Variants in BBS9 observed in about 807,000 individuals in gnomAD.
BBS9 encodes Bardet-Biedl syndrome 9.
In BBS9, 89 loss-of-function variants were observed where a neutral mutation model predicts 117.7. That is an observed-to-expected ratio of 0.76 (90% CI 0.64 to 0.90). BBS9 has a LOEUF of 0.90. BBS9 is among the 40% of genes least tolerant of loss of function. BBS9 has a pLI of 0.00. For synonymous variants in BBS9, 379 were observed against 370.9 expected, an observed-to-expected ratio of 1.02 and a Z score of -0.25; for missense variants, 982 against 1,042.2, an observed-to-expected ratio of 0.94 and a Z score of 0.80.
In BBS9 at chr7:33,423,630, A is replaced by G. The variant is rs79315894; in HGVS notation, c.2115+35486A>G. Among the ~76,000 whole-genome samples, 2,981 of 152,208 alleles carry G rather than the reference A, an allele frequency of 0.02. 195 individuals carry two copies. In the East Asian group the frequency reaches 0.26, roughly 13 times the overall value. On this transcript the variant is annotated intron_variant, in intron 19 of 22. Transcript: ENST00000242067. ...AGAGTCAGTAAACTTCAGAAATTAT[A>G]GGTGCCCCAGGAAATAAATTAAAGG...
intron 19 of BBS9, among the ~76,000 whole-genome samples, chr7:33,501,498 G>A (rs74686561): frequency 0.016 from 2,377 of 152,226 alleles, 60 homozygotes; most frequent in African/African-American, 0.054. Flanking sequence ...AGACTTAGAC[G>A]ATGCTTCTGT....
intron 19 of BBS9, among the ~76,000 whole-genome samples, chr7:33,447,164 A>C (rs1330454176): frequency 1.3e-5 from 2 of 152,268 alleles, no homozygotes; most frequent in East Asian, 3.8e-4. Flanking sequence ...AAAGATGTGC[A>C]AGAAGAAACA....
At chr7:33,451,743 A>T (rs1184056102) in intron 19 of BBS9, among the ~76,000 whole-genome samples, 1 of 152,140 alleles carries the variant, frequency 6.6e-6, no homozygotes, top group Non-Finnish European at 1.5e-5. Context: ...TGGGATTTTG[A>T]TAGGGATTTT....
Position 33,566,259 on chromosome 7 carries a change from T to A in BBS9, c.2521+32083T>A, listed in dbSNP as rs554142668. On this transcript the variant is annotated intron_variant, in intron 21 of 22. Coordinates refer to ENST00000242067, the MANE Select transcript of BBS9 (RefSeq NM_198428.3). ...CTGCAGACAAGAATTAATGCTTTTTTAAAAAAAGATGTCTGTACTTTTGCC... is the reference window on the plus strand; with the variant it reads ...CTGCAGACAAGAATTAATGCTTTTTAAAAAAAAGATGTCTGTACTTTTGCC... Among the ~76,000 whole-genome samples the A allele has an allele frequency of 4.7e-5, 7 of 150,206 alleles. No individual in the cohort carries two copies. In the South Asian group the frequency reaches 1.5e-3, roughly 32 times the overall value.
intron 20 of BBS9, among the ~76,000 whole-genome samples, chr7:33,514,569 C>A (rs1847452026): frequency 6.6e-6 from 1 of 152,116 alleles, no homozygotes; most frequent in Non-Finnish European, 1.5e-5. Flanking sequence ...CAGAATCCAG[C>A]CTTTGCTAGC....
intron 20 of BBS9, among the ~76,000 whole-genome samples, chr7:33,515,853 G>A (rs1167292749): frequency 3.3e-5 from 5 of 152,182 alleles, no homozygotes; most frequent in Non-Finnish European, 5.9e-5. Context: ...TGAAATTGCT[G>A]TCATTCTTCA....
intron 5 of BBS9, among the ~76,000 whole-genome samples, chr7:33,200,694 A>T (rs1297490665): frequency 2.0e-5 from 3 of 152,106 alleles, no homozygotes; most frequent in African/African-American, 4.8e-5. Context: ...AGAGACAAGG[A>T]ATCCCCCCCA....
chr7:33,137,769 T>A (rs1790762241), intron 1 of BBS9, among the ~76,000 whole-genome samples: 1 of 152,228 alleles, frequency 6.6e-6, no homozygotes, highest in South Asian at 2.1e-4. Flanking sequence ...AAGATGTAAG[T>A]CCTTATTGTT....
chr7:33,208,810 T>A (rs13240701), intron 5 of BBS9, among the ~76,000 whole-genome samples: 4 of 144,816 alleles, frequency 2.8e-5, no homozygotes, highest in Non-Finnish European at 4.6e-5. Flanking sequence ...TTTTTTTTTT[T>A]AATTTTTAAT....
At chr7:33,545,135 GA>G (rs1420853273) in intron 21 of BBS9, among the ~76,000 whole-genome samples, 2 of 152,216 alleles carry the variant, frequency 1.3e-5, no homozygotes, top group Non-Finnish European at 2.9e-5. Context: ...AGCTGTGAGA[GA>G]AAAGGGCTTT....
chr7:33,384,713 T>TGAGAGAGAGA (rs1194021283), intron 18 of BBS9, among the ~76,000 whole-genome samples: 4 of 136,208 alleles, frequency 2.9e-5, no homozygotes, highest in African/African-American at 1.1e-4. Flanking sequence ...TGTGTGTGTG[T>TGAGAGAGAGA]GTGAGAGAGA....
intron 9 of BBS9, among the ~76,000 whole-genome samples, chr7:33,289,480 T>A (rs1803574029): frequency 1.3e-5 from 2 of 152,216 alleles, no homozygotes; most frequent in African/African-American, 4.8e-5. Flanking sequence ...TCTTTTTATT[T>A]GAGAGAAAAG....
chr7:33,382,519 G>A (rs1362732746), intron 17 of BBS9, among the ~76,000 whole-genome samples: 2 of 151,838 alleles, frequency 1.3e-5, no homozygotes, highest in Non-Finnish European at 2.9e-5. Context: ...AATAATCTTG[G>A]AAGTTATATA....
At chr7:33,270,269 A>T (rs1799575333) in intron 7 of BBS9, among the ~76,000 whole-genome samples, 1 of 152,216 alleles carries the variant, frequency 6.6e-6, no homozygotes, top group Non-Finnish European at 1.5e-5. Context: ...AAAAAAAACC[A>T]GTGCAAGAAC....
chr7:33,257,165 G>T (rs1338690758), intron 5 of BBS9, 71 bp from the exon 6 acceptor site: 14 of 1,078,238 alleles, frequency 1.3e-5, no homozygotes, highest in Non-Finnish European at 1.9e-5. Flanking sequence ...ACATGTTGTA[G>T]ATAGTGATTA....
chr7:33,460,361 A>G (rs1351529389), intron 19 of BBS9, among the ~76,000 whole-genome samples: 1 of 152,106 alleles, frequency 6.6e-6, no homozygotes, highest in Admixed American at 6.6e-5. Flanking sequence ...TTCTATGCCC[A>G]TAATTGATTG....
intron 5 of BBS9, among the ~76,000 whole-genome samples, chr7:33,237,920 C>A (rs903151153): frequency 6.6e-6 from 1 of 152,156 alleles, no homozygotes; most frequent in African/African-American, 2.4e-5. Context: ...GTGTCAACTG[C>A]TTTCTGATGA....
At chr7:33,195,269 G>T (rs965697891) in intron 5 of BBS9, among the ~76,000 whole-genome samples, 2 of 152,106 alleles carry the variant, frequency 1.3e-5, no homozygotes, top group African/African-American at 4.8e-5. Flanking sequence ...ATTTGATTGG[G>T]CAGGGCTGAT....
chr7:33,185,235 T>C (rs1408904315), intron 5 of BBS9, among the ~76,000 whole-genome samples: 1 of 152,136 alleles, frequency 6.6e-6, no homozygotes, highest in Non-Finnish European at 1.5e-5. Flanking sequence ...ACCTCCTGTC[T>C]TATCCTGTGA....
Sources: allele counts gnomAD v4.1 joint callset (sites outside exome capture counted in the v4.1 genomes callset), GRCh38; gene constraint gnomAD v4.1.1; transcripts MANE v1.5; gene names NCBI Gene and HGNC (gene_info 2026-07-23, HGNC 2026-07-21).